Variants in AJAP1 observed in about 807,000 individuals in gnomAD.
AJAP1 encodes the protein adherens junctions associated protein 1.
A neutral mutation model predicts 35.0 loss-of-function variants in AJAP1; 5 were observed. That is an observed-to-expected ratio of 0.14 (90% confidence interval 0.07 to 0.30). The LOEUF is 0.30. Among genes scored for constraint, AJAP1 ranks in the 10% least tolerant of loss-of-function variants. AJAP1 has a pLI of 1.00. For synonymous variants in AJAP1, 284 were observed against 249.3 expected, an observed-to-expected ratio of 1.14 and a Z score of -1.31; for missense variants, 586 against 571.0, an observed-to-expected ratio of 1.03 and a Z score of -0.27.
At chr1:4,691,818 C>T (rs242053) in intron 1 of AJAP1, among the ~76,000 whole-genome samples, 6,828 of 152,172 alleles carry the variant, frequency 0.045, 197 homozygotes, top group Non-Finnish European at 0.067. Flanking sequence ...TCAGAGGGGG[C>T]CCATGACCTG....
Position 4,788,316 on chromosome 1 carries a change from T to G in AJAP1, c.*5831T>G, listed in dbSNP as rs1000174443. 6.5e-6 allele frequency: 1 copy of G among 152,966 alleles called. No individual in the cohort carries two copies. The highest frequency in any genetic ancestry group is 2.4e-5 in the African/African-American group (1 of 41,450). 9.5% of individuals were successfully genotyped at this position (152,966 alleles called of 1,614,324 possible). A position where few individuals can be genotyped will look rare whatever the true frequency, so the allele number is the denominator to read the frequency against. On this transcript the variant is annotated 3_prime_UTR_variant, in exon 6 of 6. Coordinates refer to ENST00000378191, the MANE Select transcript of AJAP1 (RefSeq NM_018836.4). The stretch of plus-strand genomic sequence containing the variant: ...TAGGTTTAGAGCTTGTATTTGGATG[T>G]AAGGAGTGACTAAAAACAGGTCTAG...
At chr1:4,671,148 C>T (rs1272791334) in intron 1 of AJAP1, among the ~76,000 whole-genome samples, 1 of 152,166 alleles carries the variant, frequency 6.6e-6, no homozygotes, top group East Asian at 1.9e-4. Context: ...GTGGGAAGAT[C>T]ACTTGAGGTC....
chr1:4,655,989 C>T lies in AJAP1; in HGVS notation c.29+535C>T, dbSNP rs936008351. ...GCTGAGCAGGGGCCTCCCAGGCTCC[C>T]AGCTGCCGACCCAGCTGTTTGCGGG... On this transcript the variant is annotated intron_variant, in intron 1 of 5. Coordinates refer to ENST00000378191, the MANE Select transcript of AJAP1 (RefSeq NM_018836.4). This position sits in a 1 kb window ranked among gnomAD's most constrained non-coding sequence, Gnocchi z 6.9. Among the ~76,000 whole-genome samples, 2 of 152,110 alleles carry T rather than the reference C, an allele frequency of 1.3e-5. No homozygotes were observed. The highest frequency in any genetic ancestry group is 4.8e-5 in the African/African-American group (2 of 41,446).
At chr1:4,665,659 G>A (rs1035413328) in intron 1 of AJAP1, among the ~76,000 whole-genome samples, 8 of 152,176 alleles carry the variant, frequency 5.3e-5, no homozygotes, top group Non-Finnish European at 7.3e-5. Flanking sequence ...GTGAGAGCCA[G>A]GCAGCGTGAC....
At chr1:4,760,739 C>T (rs397559) in intron 2 of AJAP1, among the ~76,000 whole-genome samples, 106,417 of 152,164 alleles carry the variant, frequency 0.7, 37,989 homozygotes, top group Middle Eastern at 0.76. Context: ...TGTGTCTAAG[C>T]GTTTCTGTTT....
intron 1 of AJAP1, among the ~76,000 whole-genome samples, chr1:4,691,437 G>T (rs1051561787): frequency 1.3e-5 from 2 of 152,226 alleles, no homozygotes; most frequent in Non-Finnish European, 2.9e-5. Flanking sequence ...CAGTGCTTTA[G>T]GTGACAGGTA....
At chr1:4,769,163 T>C (rs1352864373) in intron 2 of AJAP1, among the ~76,000 whole-genome samples, 1 of 152,178 alleles carries the variant, frequency 6.6e-6, no homozygotes, top group Non-Finnish European at 1.5e-5. Flanking sequence ...GCAACAAGGC[T>C]AGACCATGGA....
intron 1 of AJAP1, among the ~76,000 whole-genome samples, chr1:4,694,510 T>C (rs1318792417): frequency 6.6e-6 from 1 of 152,206 alleles, no homozygotes; most frequent in Non-Finnish European, 1.5e-5. Context: ...ACAGACACCG[T>C]CCTTGTTCTC....
At chr1:4,739,182 T>A (rs1640999429) in intron 2 of AJAP1, among the ~76,000 whole-genome samples, 1 of 152,176 alleles carries the variant, frequency 6.6e-6, no homozygotes, top group African/African-American at 2.4e-5. Flanking sequence ...GGGGGTGCCC[T>A]TCCACAACCC....
intron 1 of AJAP1, among the ~76,000 whole-genome samples, chr1:4,673,287 G>C (rs1229017554): frequency 1.3e-5 from 2 of 152,156 alleles, no homozygotes; most frequent in Non-Finnish European, 2.9e-5. Context: ...TAATTCAATA[G>C]TTAGCTATCT....
Position 4,712,154 on chromosome 1 carries a change from T to C in AJAP1, c.284T>C (p.Met95Thr). Residue 95 changes from methionine (M) to threonine (T), a missense_variant, in exon 2 of 6, where the codon ATG becomes ACG. By Grantham distance (81) the Met-to-Thr change is moderately conservative (BLOSUM62 -1). Coordinates refer to ENST00000378191, the MANE Select transcript of AJAP1 (RefSeq NM_018836.4). ...RVERIHGQMQ[M>T]PRARRAHRPR... Reference sequence around the variant, plus strand: ...GAGCGGATCCACGGGCAGATGCAGATGCCTCGAGCCAGACGGGCCCACAGG... The same window carrying C: ...GAGCGGATCCACGGGCAGATGCAGACGCCTCGAGCCAGACGGGCCCACAGG... 1 of 1,564,372 alleles carries C rather than the reference T, an allele frequency of 6.4e-7. No homozygotes were observed.
At chr1:4,769,601 G>T (rs1381623234) in intron 2 of AJAP1, among the ~76,000 whole-genome samples, 1 of 152,144 alleles carries the variant, frequency 6.6e-6, no homozygotes, top group Admixed American at 6.5e-5. Flanking sequence ...CTGACAGGGT[G>T]GTGGTGGAAG....
intron 1 of AJAP1, among the ~76,000 whole-genome samples, chr1:4,706,137 G>T (rs1640096139): frequency 6.6e-6 from 1 of 152,172 alleles, no homozygotes; most frequent in African/African-American, 2.4e-5. Flanking sequence ...TAGACCCTGG[G>T]TCCTCGGGGA....
intron 1 of AJAP1, among the ~76,000 whole-genome samples, chr1:4,695,959 G>A (rs1639849492): frequency 6.6e-6 from 1 of 152,072 alleles, no homozygotes; most frequent in African/African-American, 2.4e-5. Flanking sequence ...TCTCGTACTG[G>A]GGGGTTCATC....
chr1:4,681,773 C>T (rs538741893), intron 1 of AJAP1, among the ~76,000 whole-genome samples: 2 of 152,186 alleles, frequency 1.3e-5, no homozygotes, highest in Non-Finnish European at 2.9e-5. Context: ...AGGCCACATG[C>T]TTGGGGTCAG....
rs912373646 is a variant in AJAP1, at chr1:4,790,399, T to C, written c.*7914T>C. The C allele has an allele frequency of 1.3e-5, 2 of 152,168 alleles. No individual in the cohort carries two copies. The highest frequency in any genetic ancestry group is 4.8e-5 in the African/African-American group (2 of 41,440). The allele number at this position is 152,168 out of a possible 1,614,324, so 9.4% of individuals were successfully genotyped here. A position where few individuals can be genotyped will look rare whatever the true frequency, so the allele number is the denominator to read the frequency against. On this transcript the variant is annotated 3_prime_UTR_variant, in exon 6 of 6. Transcript: ENST00000378191. ...TCAACATGAATGGGACCCTAGAAACTGTGAGGAGCAGGATTCTCTAAGGTG... is the reference window on the plus strand; with the variant it reads ...TCAACATGAATGGGACCCTAGAAACCGTGAGGAGCAGGATTCTCTAAGGTG...
At position 4,790,380 on chromosome 1, in the gene AJAP1, T is replaced by C. The variant is rs996144254; in HGVS notation, c.*7895T>C. 5.3e-5 allele frequency: 8 copies of C among 152,180 alleles called. No homozygotes were observed. Among genetic ancestry groups the C allele is most frequent in the African/African-American group, 1.9e-4 (8 of 41,450 alleles). The allele number at this position is 152,180 out of a possible 1,614,324, so 9.4% of individuals were successfully genotyped here. On this transcript the variant is annotated 3_prime_UTR_variant, in exon 6 of 6. Transcript: ENST00000378191. ...TTATTGCGTATGCAGCCAGTCAACA[T>C]GAATGGGACCCTAGAAACTGTGAGG... is the stretch of plus-strand genomic sequence containing the variant.
At chr1:4,711,663 C>T (rs544055577) in intron 1 of AJAP1, among the ~76,000 whole-genome samples, 11 of 152,326 alleles carry the variant, frequency 7.2e-5, no homozygotes, top group Non-Finnish European at 1.3e-4. Flanking sequence ...GCCTCAGCCC[C>T]GCGGTGCCGG....
At chr1:4,705,996 C>T (rs1640092560) in intron 1 of AJAP1, among the ~76,000 whole-genome samples, 1 of 152,192 alleles carries the variant, frequency 6.6e-6, no homozygotes, top group Non-Finnish European at 1.5e-5. Flanking sequence ...CCCAGCAACT[C>T]TCTGGGCTCT....
Sources: gnomAD v4.1 joint callset for allele counts (sites outside exome capture counted in the v4.1 genomes callset) on GRCh38, gnomAD v4.1.1 for gene constraint, Gnocchi (gnomAD v3.1) non-coding constraint, MANE v1.5 for transcripts, NCBI Gene and HGNC (gene_info 2026-07-23, HGNC 2026-07-21) for gene names.